DACH2: variants seen among roughly 807,000 people sequenced by gnomAD.
DACH2 encodes the protein dachshund homolog 2.
DACH2 carries 17 observed loss-of-function variants against 35.8 expected under a neutral mutation model. The ratio of observed to expected loss-of-function variants is 0.48; its 90% CI spans 0.33 to 0.71. The LOEUF (loss-of-function observed/expected upper bound fraction) is 0.71, where lower values mean the gene tolerates loss of function less well. Ranked by LOEUF, DACH2 falls within the 30% of genes least tolerant of loss-of-function variation. DACH2 has a pLI of 0.02. For synonymous variants in DACH2, 195 were observed against 177.3 expected, an observed-to-expected ratio of 1.10 and a Z score of -0.79; for missense variants, 469 against 472.7, an observed-to-expected ratio of 0.99 and a Z score of 0.07.
At chrX:86,545,260 A>T (rs978839728) in intron 3 of DACH2, among the ~76,000 whole-genome samples, 1 of 112,113 alleles carries the variant, frequency 8.9e-6, no homozygotes, top group African/African-American at 3.2e-5. Context: ...AGTAACATGG[A>T]TGGAGTTGGT....
At chrX:86,376,151 ATGTGTGTG>A (rs57467884) in intron 1 of DACH2, among the ~76,000 whole-genome samples, 109 of 95,781 alleles carry the variant, frequency 1.1e-3, no homozygotes, top group Non-Finnish European at 2.1e-3. Context: ...GTGTGTGTGT[ATGTGTGTG>A]TGTGTGTGTG....
At chrX:86,408,106 G>T (rs1437663335) in intron 2 of DACH2, among the ~76,000 whole-genome samples, 1 of 111,259 alleles carries the variant, frequency 9.0e-6, no homozygotes, top group Non-Finnish European at 1.9e-5. Flanking sequence ...AAAGCAAAAT[G>T]ATATCGTTGT....
intron 7 of DACH2, among the ~76,000 whole-genome samples, chrX:86,784,054 A>T (rs2042113897): frequency 9.0e-6 from 1 of 110,814 alleles, no homozygotes; most frequent in South Asian, 3.8e-4. Context: ...ATTCTCCATG[A>T]TGTGCTTATT....
intron 4 of DACH2, among the ~76,000 whole-genome samples, chrX:86,682,482 G>A (rs1307932570): frequency 1.8e-5 from 2 of 111,811 alleles, no homozygotes; most frequent in African/African-American, 6.5e-5. Context: ...TCTACCACAC[G>A]TCAAGTGCCC....
intron 1 of DACH2, among the ~76,000 whole-genome samples, chrX:86,260,316 A>C (rs1016277926): frequency 9.0e-6 from 1 of 110,907 alleles, no homozygotes; most frequent in Non-Finnish European, 1.9e-5. Context: ...TCTTCTTGAG[A>C]AGATCATGCC....
intron 1 of DACH2, among the ~76,000 whole-genome samples, chrX:86,312,193 A>C (rs1031857173): frequency 1.8e-5 from 2 of 112,420 alleles, no homozygotes; most frequent in East Asian, 5.6e-4. Context: ...ATGTTTCTGC[A>C]TGTATACACT....
At chrX:86,440,588 T>G (rs982488757) in intron 2 of DACH2, among the ~76,000 whole-genome samples, 3 of 111,757 alleles carry the variant, frequency 2.7e-5, no homozygotes, top group Non-Finnish European at 5.7e-5. Context: ...CTTTAATTGA[T>G]GTATCTAGAC....
chrX:86,370,176 A>G (rs1389398999), intron 1 of DACH2, among the ~76,000 whole-genome samples: 1 of 111,363 alleles, frequency 9.0e-6, no homozygotes, highest in Non-Finnish European at 1.9e-5. Context: ...ATAATTACAC[A>G]TTGTGATAAG....
intron 7 of DACH2, among the ~76,000 whole-genome samples, chrX:86,780,097 G>A (rs1445201057): frequency 9.6e-6 from 1 of 103,948 alleles, no homozygotes; most frequent in Non-Finnish European, 1.9e-5. Flanking sequence ...AAATCTTCCA[G>A]AAATGAAACC....
chrX:86,449,879 G>A (rs779784886), intron 2 of DACH2, among the ~76,000 whole-genome samples: 170 of 110,789 alleles, frequency 1.5e-3, no homozygotes, highest in African/African-American at 5.2e-3. Context: ...TAACAGTTTC[G>A]TCTTTTTACT....
intron 1 of DACH2, among the ~76,000 whole-genome samples, chrX:86,336,216 G>C (rs1484114160): frequency 8.9e-6 from 1 of 111,966 alleles, no homozygotes; most frequent in Non-Finnish European, 1.9e-5. Context: ...TTTTCTTTTT[G>C]TGTGTGTCTC....
chrX:86,442,990 T>G (rs1280462126), intron 2 of DACH2, among the ~76,000 whole-genome samples: 1 of 112,019 alleles, frequency 8.9e-6, no homozygotes, highest in African/African-American at 3.2e-5. Context: ...TTGTAATATA[T>G]TTGGAAGTCA....
chrX:86,372,682 T>C (rs1480774589), intron 1 of DACH2, among the ~76,000 whole-genome samples: 1 of 110,782 alleles, frequency 9.0e-6, no homozygotes, highest in East Asian at 2.9e-4. Context: ...AGGAGTACAT[T>C]GTTTTAGACT....
At chrX:86,774,093 T>A (rs368984335) in intron 7 of DACH2, among the ~76,000 whole-genome samples, 29 of 111,429 alleles carry the variant, frequency 2.6e-4, no homozygotes, top group African/African-American at 8.8e-4. Flanking sequence ...ATCAAAAATT[T>A]AAAAAAAACT....
At chrX:86,708,446 A>G (rs1263884240) in intron 5 of DACH2, among the ~76,000 whole-genome samples, 1 of 111,820 alleles carries the variant, frequency 8.9e-6, no homozygotes, top group Non-Finnish European at 1.9e-5. Context: ...GTTGCAGGAT[A>G]CAAAATTAAT....
chrX:86,495,155 C>T (rs2038149786), intron 2 of DACH2, among the ~76,000 whole-genome samples: 1 of 110,817 alleles, frequency 9.0e-6, no homozygotes, highest in African/African-American at 3.3e-5. Flanking sequence ...TCAAGTGATT[C>T]TCCTGCCTCA....
intron 2 of DACH2, among the ~76,000 whole-genome samples, chrX:86,497,534 G>A (rs2038190027): frequency 1.8e-5 from 2 of 111,283 alleles, no homozygotes; most frequent in Non-Finnish European, 3.8e-5. Context: ...GAGGAGAGGA[G>A]CCCTACAACA....
At chrX:86,749,926 T>C (rs1000630273) in intron 7 of DACH2, among the ~76,000 whole-genome samples, 1 of 111,656 alleles carries the variant, frequency 9.0e-6, no homozygotes, top group Non-Finnish European at 1.9e-5. Flanking sequence ...ATTGTTCTTA[T>C]ATTCTTCAAC....
chrX:86,430,199 T>C (rs2036963229), intron 2 of DACH2, among the ~76,000 whole-genome samples: 1 of 112,235 alleles, frequency 8.9e-6, no homozygotes, highest in African/African-American at 3.2e-5. Flanking sequence ...CAGTCTTGTA[T>C]TGTGAAGCTT....
Sources: gnomAD v4.1 joint callset for allele counts (sites outside exome capture counted in the v4.1 genomes callset) on GRCh38, gnomAD v4.1.1 for gene constraint, MANE v1.5 for transcripts, NCBI Gene and HGNC (gene_info 2026-07-23, HGNC 2026-07-21) for gene names.